Variants in RBFOX1 observed in about 807,000 individuals in gnomAD.
The protein encoded by RBFOX1 is RNA binding fox-1 homolog 1.
A neutral mutation model predicts 57.7 loss-of-function variants in RBFOX1; 8 were observed. The ratio of observed to expected loss-of-function variants is 0.14; its 90% CI spans 0.08 to 0.25. The LOEUF is 0.25. Among genes scored for constraint, RBFOX1 ranks in the 10% least tolerant of loss-of-function variants. RBFOX1 has a pLI of 1.00. For synonymous variants in RBFOX1, 326 were observed against 222.4 expected (o/e 1.47, Z -4.15); for missense variants, 611 against 548.5 (o/e 1.11, Z -1.14).
intron 4 of RBFOX1, among the ~76,000 whole-genome samples, chr16:7,462,387 C>T (rs1225153159): frequency 6.6e-6 from 1 of 152,164 alleles, no homozygotes; most frequent in African/African-American, 2.4e-5. Context: ...CCCAGCTACT[C>T]AGGGGGCTGA....
intron 1 of RBFOX1, among the ~76,000 whole-genome samples, chr16:6,103,458 G>T (rs1222560177): frequency 6.6e-6 from 1 of 152,058 alleles, no homozygotes; most frequent in Non-Finnish European, 1.5e-5. Context: ...GTTGTTGTCA[G>T]TCAGGCTAGG....
intron 2 of RBFOX1, among the ~76,000 whole-genome samples, chr16:5,533,827 T>C (rs73516467): frequency 0.12 from 17,968 of 152,092 alleles, 2,680 homozygotes; most frequent in African/African-American, 0.35. Flanking sequence ...GTTTATGGTG[T>C]GGCTTTCATA....
At chr16:6,078,497 G>A (rs1040151604) in intron 1 of RBFOX1, among the ~76,000 whole-genome samples, 2 of 152,036 alleles carry the variant, frequency 1.3e-5, no homozygotes, top group African/African-American at 2.4e-5. Context: ...GTGGCTCAGG[G>A]AAGCCAAAAG....
intron 1 of RBFOX1, among the ~76,000 whole-genome samples, chr16:6,129,695 G>A (rs1280910113): frequency 1.9e-5 from 2 of 104,050 alleles, no homozygotes; most frequent in African/African-American, 9.3e-5. Context: ...TTAAATACAG[G>A]TAGAATTAAA....
chr16:5,622,888 T>C (rs1055002555), intron 3 of RBFOX1, among the ~76,000 whole-genome samples: 2 of 152,362 alleles, frequency 1.3e-5, no homozygotes, highest in East Asian at 1.9e-4. Context: ...GTTTTCTTAT[T>C]GTTTCCTAAA....
At chr16:7,337,534 A>G (rs2096813778) in intron 4 of RBFOX1, among the ~76,000 whole-genome samples, 2 of 152,200 alleles carry the variant, frequency 1.3e-5, no homozygotes, top group Admixed American at 1.3e-4. Flanking sequence ...ATAGATCTCA[A>G]GAGTGAAAAA....
chr16:6,718,347 A>T (rs188557411), intron 3 of RBFOX1, among the ~76,000 whole-genome samples: 201 of 152,306 alleles, frequency 1.3e-3, no homozygotes, highest in African/African-American at 4.5e-3. Context: ...TGTATATTTT[A>T]GTGGGAGAGA....
At chr16:7,508,324 C>T (rs143673440) in intron 4 of RBFOX1, among the ~76,000 whole-genome samples, 2 of 152,246 alleles carry the variant, frequency 1.3e-5, no homozygotes, top group African/African-American at 4.8e-5. Context: ...GCGTTATTCC[C>T]TAGGACATTA....
chr16:6,605,566 G>C (rs1235806452), intron 2 of RBFOX1, among the ~76,000 whole-genome samples: 1 of 152,176 alleles, frequency 6.6e-6, no homozygotes, highest in Non-Finnish European at 1.5e-5. Flanking sequence ...AGTGATCGGA[G>C]TGAATCTCTC....
intron 3 of RBFOX1, among the ~76,000 whole-genome samples, chr16:6,962,929 G>A (rs1217267436): frequency 6.6e-6 from 1 of 151,152 alleles, no homozygotes; most frequent in African/African-American, 2.4e-5. Flanking sequence ...GTGGGCTGGG[G>A]TGGGGTTGTT....
chr16:6,504,246 T>C (rs566927873), intron 2 of RBFOX1, among the ~76,000 whole-genome samples: 1 of 152,300 alleles, frequency 6.6e-6, no homozygotes, highest in African/African-American at 2.4e-5. Context: ...GTATGTCGAT[T>C]CTGAGCTTCT....
At chr16:7,147,713 C>G (rs894749257) in intron 4 of RBFOX1, among the ~76,000 whole-genome samples, 1 of 152,110 alleles carries the variant, frequency 6.6e-6, no homozygotes, top group Non-Finnish European at 1.5e-5. Flanking sequence ...TTTATCCTAT[C>G]TGCCATTGAT....
At chr16:6,190,999 G>A (rs1370575573) in intron 1 of RBFOX1, among the ~76,000 whole-genome samples, 2 of 151,952 alleles carry the variant, frequency 1.3e-5, no homozygotes, top group Admixed American at 1.3e-4. Context: ...AGCCTCTCCC[G>A]ATTCTGTCTG....
intron 3 of RBFOX1, among the ~76,000 whole-genome samples, chr16:6,852,676 G>C (rs2094133838): frequency 6.6e-6 from 1 of 151,412 alleles, no homozygotes. Flanking sequence ...TAAGGTGCTT[G>C]CCTAGGTGAG....
intron 4 of RBFOX1, among the ~76,000 whole-genome samples, chr16:5,966,685 C>G (rs1028098780): frequency 1.3e-5 from 2 of 152,152 alleles, no homozygotes; most frequent in African/African-American, 4.8e-5. Flanking sequence ...CTTTTGACAA[C>G]TCGCTGTTGT....
chr16:7,371,531 C>G (rs1449250492), intron 4 of RBFOX1, among the ~76,000 whole-genome samples: 2 of 152,144 alleles, frequency 1.3e-5, no homozygotes, highest in African/African-American at 4.8e-5. Context: ...AGGCGGATAA[C>G]CTGAGGTCAG....
chr16:6,664,087 A>G (rs12325466), intron 3 of RBFOX1, among the ~76,000 whole-genome samples: 35,713 of 152,100 alleles, frequency 0.23, 4,563 homozygotes, highest in African/African-American at 0.33. Context: ...TCTTTGTCTT[A>G]TAGAGTCTAC....
intron 4 of RBFOX1, among the ~76,000 whole-genome samples, chr16:7,299,952 G>A (rs747952643): frequency 2.6e-5 from 4 of 152,184 alleles, no homozygotes; most frequent in Admixed American, 6.5e-5. Flanking sequence ...TGACCCCATC[G>A]CAAGTCAGGG....
intron 3 of RBFOX1, among the ~76,000 whole-genome samples, chr16:5,752,854 G>T (rs1351656012): frequency 2.6e-5 from 4 of 152,132 alleles, no homozygotes; most frequent in Non-Finnish European, 5.9e-5. Context: ...TAAATTCAGA[G>T]AGAAAGAAAA....
Sources: gnomAD v4.1 joint callset for allele counts (sites outside exome capture counted in the v4.1 genomes callset) on GRCh38, gnomAD v4.1.1 for gene constraint, MANE v1.5 for transcripts, NCBI Gene and HGNC (gene_info 2026-07-23, HGNC 2026-07-21) for gene names.